ZRANB3: variants seen among roughly 807,000 people sequenced by gnomAD.
ZRANB3 encodes DNA annealing helicase and endonuclease ZRANB3.
Under a neutral mutation model 133.8 loss-of-function variants are expected in ZRANB3, and 125 were observed. That is an observed-to-expected ratio of 0.93 (90% CI 0.81 to 1.08). ZRANB3 has a LOEUF of 1.08. Ranked by LOEUF, ZRANB3 falls within the 50% of genes least tolerant of loss-of-function variation. The pLI is 0.00. For missense variants in ZRANB3, 1,229 were observed against 1,275.5 expected, an observed-to-expected ratio of 0.96 and a Z score of 0.56; for synonymous variants, 387 against 432.7, an observed-to-expected ratio of 0.89 and a Z score of 1.31.
At position 135,277,513 on chromosome 2, in the gene ZRANB3, C is replaced by CA. The variant is rs767921008; in HGVS notation, c.967-1759dup. On this transcript the variant is annotated intron_variant, in intron 8 of 20. Transcript: ENST00000264159. ...TTTATAAAACAAGATCAGTATGCTA[C>CA]AAAAAAAACAGATATAAAGAAGAAA... Among the ~76,000 whole-genome samples, 165 of 150,180 alleles carry CA rather than the reference C, an allele frequency of 1.1e-3. 1 individual carries two copies. The highest frequency in any genetic ancestry group is 2.9e-3 in the African/African-American group (118 of 40,842).
intron 2 of ZRANB3, among the ~76,000 whole-genome samples, chr2:135,432,910 T>C (rs906782689): frequency 5.3e-5 from 8 of 152,208 alleles, no homozygotes; most frequent in African/African-American, 1.7e-4. Flanking sequence ...CGACTTCAAA[T>C]AGTCATGGCT....
At chr2:135,284,951 T>C (rs1481982315) in intron 8 of ZRANB3, among the ~76,000 whole-genome samples, 1 of 151,846 alleles carries the variant, frequency 6.6e-6, no homozygotes, top group Non-Finnish European at 1.5e-5. Context: ...GTTCAAGCAA[T>C]TCTCCTGCCT....
intron 2 of ZRANB3, among the ~76,000 whole-genome samples, chr2:135,496,585 A>G (rs759462307): frequency 5.3e-5 from 8 of 152,184 alleles, no homozygotes; most frequent in Non-Finnish European, 1.2e-4. Context: ...TATTTAAAGA[A>G]ATACGACACA....
chr2:135,342,190 T>C (rs1429749346), intron 6 of ZRANB3, among the ~76,000 whole-genome samples: 1 of 149,642 alleles, frequency 6.7e-6, no homozygotes, highest in East Asian at 1.9e-4. Context: ...TTGTACTCTT[T>C]CCCTTTATTT....
intron 11 of ZRANB3, among the ~76,000 whole-genome samples, chr2:135,268,420 A>T (rs1680349785): frequency 6.6e-6 from 1 of 150,722 alleles, no homozygotes; most frequent in Admixed American, 6.6e-5. Context: ...ACCCATCTCG[A>T]CCTCCCAAAG....
intron 12 of ZRANB3, among the ~76,000 whole-genome samples, chr2:135,254,249 T>C (rs1166861129): frequency 1.3e-5 from 2 of 152,210 alleles, no homozygotes; most frequent in African/African-American, 4.8e-5. Flanking sequence ...TAACAGAAAC[T>C]TTCTCAAATG....
chr2:135,331,744 G>A (rs1160488551), intron 6 of ZRANB3, among the ~76,000 whole-genome samples: 1 of 152,082 alleles, frequency 6.6e-6, no homozygotes, highest in Non-Finnish European at 1.5e-5. Context: ...TGTATTGGGT[G>A]CATATATATT....
At chr2:135,477,372 C>A (rs979398424) in intron 2 of ZRANB3, among the ~76,000 whole-genome samples, 1 of 152,222 alleles carries the variant, frequency 6.6e-6, no homozygotes, top group Admixed American at 6.5e-5. Context: ...CTACAGAATA[C>A]TCCCTTGACA....
intron 2 of ZRANB3, among the ~76,000 whole-genome samples, chr2:135,432,763 A>G (rs1029013884): frequency 1.8e-4 from 27 of 152,348 alleles, no homozygotes; most frequent in Non-Finnish European, 4.4e-5. Context: ...AAAGAAGGCC[A>G]GAAAGGAACA....
chr2:135,464,059 T>C (rs1690879695), intron 2 of ZRANB3, among the ~76,000 whole-genome samples: 1 of 152,154 alleles, frequency 6.6e-6, no homozygotes, highest in Non-Finnish European at 1.5e-5. Context: ...ACAGGTTGAA[T>C]AGTAAAATCT....
intron 2 of ZRANB3, among the ~76,000 whole-genome samples, chr2:135,496,010 T>C (rs938320234): frequency 6.6e-6 from 1 of 152,232 alleles, no homozygotes; most frequent in African/African-American, 2.4e-5. Flanking sequence ...ATTACCTGTG[T>C]GATCTTGGAA....
At chr2:135,316,883 T>C (rs186823985) in intron 6 of ZRANB3, among the ~76,000 whole-genome samples, 445 of 150,662 alleles carry the variant, frequency 3.0e-3, no homozygotes, top group African/African-American at 6.8e-3. Flanking sequence ...GGAGAATCGC[T>C]TGAACCCGGG....
chr2:135,463,607 G>A (rs990880104), intron 2 of ZRANB3, among the ~76,000 whole-genome samples: 5 of 151,922 alleles, frequency 3.3e-5, no homozygotes, highest in Non-Finnish European at 7.4e-5. Context: ...CGTAGAGTCG[G>A]GGTTTCGCCA....
At chr2:135,293,243 C>G (rs1031360628) in intron 8 of ZRANB3, among the ~76,000 whole-genome samples, 1 of 152,068 alleles carries the variant, frequency 6.6e-6, no homozygotes, top group Non-Finnish European at 1.5e-5. Flanking sequence ...AATGTTCTTC[C>G]ATTTGTTTGT....
chr2:135,313,982 A>G (rs977096903), intron 7 of ZRANB3, among the ~76,000 whole-genome samples: 1 of 152,170 alleles, frequency 6.6e-6, no homozygotes, highest in Non-Finnish European at 1.5e-5. Flanking sequence ...CGCCTGCCTC[A>G]GCCTCCCAAG....
At chr2:135,280,563 C>T (rs1041679167) in intron 8 of ZRANB3, among the ~76,000 whole-genome samples, 1 of 151,608 alleles carries the variant, frequency 6.6e-6, no homozygotes, top group East Asian at 1.9e-4. Flanking sequence ...GTAAAACTAT[C>T]TCAAAAAATA....
intron 2 of ZRANB3, among the ~76,000 whole-genome samples, chr2:135,417,208 T>A (rs1243563811): frequency 6.6e-6 from 1 of 151,954 alleles, no homozygotes; most frequent in African/African-American, 2.4e-5. Flanking sequence ...TGCAATCTAT[T>A]CATCTGACAA....
At chr2:135,486,858 G>A (rs1692146826) in intron 2 of ZRANB3, among the ~76,000 whole-genome samples, 1 of 152,150 alleles carries the variant, frequency 6.6e-6, no homozygotes, top group African/African-American at 2.4e-5. Flanking sequence ...CATGAGGACT[G>A]GGATCAACTT....
intron 3 of ZRANB3, among the ~76,000 whole-genome samples, chr2:135,388,368 C>T (rs1301657942): frequency 6.6e-6 from 1 of 152,044 alleles, no homozygotes. Context: ...TGGTGCAGAT[C>T]AAGTGTTTAT....
Sources: allele counts gnomAD v4.1 joint callset (sites outside exome capture counted in the v4.1 genomes callset), GRCh38; gene constraint gnomAD v4.1.1; transcripts MANE v1.5; gene names NCBI Gene and HGNC (gene_info 2026-07-23, HGNC 2026-07-21).